Variants in AFDN observed in about 807,000 individuals in gnomAD.
AFDN encodes the protein afadin, adherens junction formation factor.
A neutral mutation model predicts 216.6 loss-of-function variants in AFDN; 68 were observed. The ratio of observed to expected loss-of-function variants is 0.31; its 90% CI spans 0.26 to 0.38. AFDN has a LOEUF of 0.38. AFDN is among the 10% of genes least tolerant of loss of function. The probability of loss-of-function intolerance (pLI) is 1.00; values close to 1 mark genes in which losing one functional copy is unlikely to be tolerated. For missense variants in AFDN, 2,136 were observed against 2,342.0 expected, an observed-to-expected ratio of 0.91 and a Z score of 1.82; for synonymous variants, 868 against 853.7, an observed-to-expected ratio of 1.02 and a Z score of -0.29.
At chr6:167,888,928 G>A (rs1048485352) in intron 6 of AFDN, among the ~76,000 whole-genome samples, 77 of 151,882 alleles carry the variant, frequency 5.1e-4, no homozygotes, top group African/African-American at 1.6e-3. Flanking sequence ...ACGTACTGCC[G>A]TACTGCCTTT....
intron 23 of AFDN, among the ~76,000 whole-genome samples, chr6:167,926,080 T>G (rs1429025263): frequency 6.6e-6 from 1 of 152,222 alleles, no homozygotes; most frequent in Admixed American, 6.5e-5. Context: ...GTCAAAAATT[T>G]TAGTTTATTT....
chr6:167,917,311 A>G, intron 20 of AFDN, 79 bp downstream of exon 20: 1 of 1,299,756 alleles, frequency 7.7e-7, no homozygotes, highest in Non-Finnish European at 1.0e-6. Flanking sequence ...ACAAAAGGAA[A>G]TCCTATTTAA....
intron 1 of AFDN, chr6:167,827,714 CT>C (rs1002382750): frequency 1.4e-4 from 21 of 152,204 alleles, no homozygotes; most frequent in African/African-American, 4.8e-4. Flanking sequence ...AACTTGCAGG[CT>C]GCCAGCTGGG....
intron 29 of AFDN, among the ~76,000 whole-genome samples, chr6:167,950,776 G>A (rs1213642328): frequency 1.3e-5 from 2 of 152,146 alleles, no homozygotes. Context: ...TGGGCACACA[G>A]GAGGGTGAGG....
chr6:167,929,923 C>A (rs966593832), intron 23 of AFDN, among the ~76,000 whole-genome samples: 1 of 152,162 alleles, frequency 6.6e-6, no homozygotes, highest in Non-Finnish European at 1.5e-5. Flanking sequence ...TTAACTTGGC[C>A]AGGCGCCATG....
chr6:167,898,218 GA>G lies in AFDN; in HGVS notation c.1333del (p.Ile445PhefsTer17). On this transcript the variant is annotated frameshift_variant, in exon 11 of 34. Transcript: ENST00000683244. LOFTEE classifies it high-confidence loss of function. ...DDNSIQLFGPGIQPHHCDLTN... is the reference protein window; with the variant it reads ...DDNSIQLFGPXIQPHHCDLTN... ...TTCGGTTTCCAGTTGTTTGGCCCAGGAATTCAGCCCCATCACTGTGACCTTA... is the reference window on the plus strand; with the variant it reads ...TTCGGTTTCCAGTTGTTTGGCCCAGGATTCAGCCCCATCACTGTGACCTTA... 1.2e-6 allele frequency: 2 copies of G among 1,613,718 alleles called. No individual in the cohort carries two copies. The highest frequency in any genetic ancestry group is 1.7e-6 in the Non-Finnish European group (2 of 1,179,710).
rs887282870 is a variant in AFDN, at chr6:167,861,137, T to G, written c.106-3414T>G. On this transcript the variant is annotated intron_variant, in intron 1 of 33. Coordinates refer to ENST00000683244, the MANE Select transcript of AFDN (RefSeq NM_001386888.1). ...TCCCTTCATACCCAGTTTTCAGGTT[T>G]AGGAACTTGATTTTATCCATTTGAC... 1.3e-5 allele frequency among the ~76,000 whole-genome samples: 2 copies of G among 152,132 alleles called. 1 individual carries two copies. The highest frequency in any genetic ancestry group is 4.2e-4 in the South Asian group (2 of 4,814).
intron 1 of AFDN, among the ~76,000 whole-genome samples, 196 bp downstream of exon 1, chr6:167,827,433 G>C (rs1779260358): frequency 7.0e-6 from 1 of 142,112 alleles, no homozygotes; most frequent in African/African-American, 2.5e-5. Context: ...CCCCTGCCGC[G>C]GTGTATCCCG....
At position 167,846,710 on chromosome 6, in the gene AFDN, G is replaced by GT. The variant is rs1331873264; in HGVS notation, c.106-17839dup. ...GTATAATATTTAAAAAAAAAACCAA[G>GT]TTGTTTTTTTTTTTTTTTTCAATGT... On this transcript the variant is annotated intron_variant, in intron 1 of 33. Coordinates refer to ENST00000683244, the MANE Select transcript of AFDN (RefSeq NM_001386888.1). 6.7e-3 allele frequency among the ~76,000 whole-genome samples: 879 copies of GT among 132,000 alleles called. 13 individuals carry two copies. Among genetic ancestry groups the GT allele is most frequent in the African/African-American group, 0.024 (832 of 35,076 alleles). 86.6% of individuals were successfully genotyped at this position (132,000 alleles called of 152,430 possible). A position where few individuals can be genotyped will look rare whatever the true frequency, so the allele number is the denominator to read the frequency against.
chr6:167,867,418 CT>C (rs975651161), intron 2 of AFDN, among the ~76,000 whole-genome samples: 2 of 148,416 alleles, frequency 1.3e-5, no homozygotes, highest in Admixed American at 6.7e-5. Context: ...CGGACTAATT[CT>C]TTTTTTTCTT....
chr6:167,949,790 G>A (rs901006823), intron 29 of AFDN, among the ~76,000 whole-genome samples: 1 of 152,158 alleles, frequency 6.6e-6, no homozygotes, highest in East Asian at 1.9e-4. Context: ...AGTATTTCCT[G>A]TTGTGTGGGG....
At chr6:167,927,249 G>A (rs2268945) in intron 23 of AFDN, among the ~76,000 whole-genome samples, 69,841 of 151,750 alleles carry the variant, frequency 0.46, 16,774 homozygotes, top group East Asian at 0.8. Flanking sequence ...CCTTGGAACA[G>A]ACATAATTGG....
At chr6:167,948,175 C>A (rs1174617029) in intron 28 of AFDN, 118 bp from the exon 29 acceptor site, 2 of 926,588 alleles carry the variant, frequency 2.2e-6, no homozygotes, top group South Asian at 1.9e-5. Flanking sequence ...GGATCAAACA[C>A]TTTTTAATGC....
chr6:167,925,095 G>T lies in AFDN; in HGVS notation c.3099+4G>T. On this transcript the variant is annotated splice_donor_region_variant and intron_variant, in intron 23 of 33. Transcript: ENST00000683244. ...CCTTAGCATTGTTGCAGCAAAGGTAGGCCAATTAGTCACGTGCGAGTTGTT... is the reference window on the plus strand; with the variant it reads ...CCTTAGCATTGTTGCAGCAAAGGTATGCCAATTAGTCACGTGCGAGTTGTT... 6.2e-7 allele frequency: 1 copy of T among 1,603,844 alleles called. No individual in the cohort carries two copies. Among genetic ancestry groups the T allele is most frequent in the Non-Finnish European group, 8.5e-7 (1 of 1,170,644 alleles).
At position 167,911,431 on chromosome 6, in the gene AFDN, C is replaced by T; in HGVS notation, c.1979C>T (p.Thr660Ile). The T allele has an allele frequency of 6.2e-7, 1 of 1,614,092 alleles. No homozygotes were observed. Among genetic ancestry groups the T allele is most frequent in the Non-Finnish European group, 8.5e-7 (1 of 1,180,016 alleles). Residue 660 changes from threonine to isoleucine, a missense_variant, in exon 15 of 34, where the codon ACA (threonine) becomes ATA (isoleucine). Thr to Ile is a moderately conservative substitution (Grantham distance 89, BLOSUM62 -1). This residue lies in a region of AFDN where 817 missense variants were observed against 965.7 expected (regional missense o/e 0.85). Transcript: ENST00000683244. ...CCTGACATCAGCCCTACAGAGCGCA[C>T]ACATAAAGTCATTGCAGTCGTCAAC... ...YRPDISPTER[T>I]HKVIAVVNKM... is the part of the protein sequence containing the mutation.
Position 167,962,715 on chromosome 6 carries a change from T to A in AFDN, c.4968+148T>A, listed in dbSNP as rs540250672. 2 of 1,528,220 alleles carry A rather than the reference T, an allele frequency of 1.3e-6. No homozygotes were observed. The highest frequency in any genetic ancestry group is 1.8e-6 in the Non-Finnish European group (2 of 1,139,618). 94.7% of individuals were successfully genotyped at this position (1,528,220 alleles called of 1,614,324 possible). ...GCTCCCCCAGCTTTGTGATTGGACCTGCAACTTTACCCCATCTGGCCCACC... is the reference window on the plus strand; with the variant it reads ...GCTCCCCCAGCTTTGTGATTGGACCAGCAACTTTACCCCATCTGGCCCACC... On this transcript the variant is annotated intron_variant, in intron 31 of 33. Coordinates refer to ENST00000683244, the MANE Select transcript of AFDN (RefSeq NM_001386888.1). The surrounding 1 kb of genome is among the most constrained non-coding windows in gnomAD (Gnocchi z 5.2).
chr6:167,872,503 G>C, intron 4 of AFDN, 126 bp downstream of exon 4: 2 of 1,041,616 alleles, frequency 1.9e-6, no homozygotes, highest in Non-Finnish European at 2.8e-6. Flanking sequence ...AATGTGTTTG[G>C]GTCTACTCCC....
At chr6:167,904,789 C>T (rs1789444059) in intron 12 of AFDN, among the ~76,000 whole-genome samples, 1 of 152,114 alleles carries the variant, frequency 6.6e-6, no homozygotes, top group Admixed American at 6.5e-5. Context: ...GCAGGAGGAC[C>T]ACACGGCCCC....
chr6:167,928,437 A>G (rs1210546904), intron 23 of AFDN, among the ~76,000 whole-genome samples: 2 of 152,252 alleles, frequency 1.3e-5, no homozygotes, highest in African/African-American at 2.4e-5. Flanking sequence ...AGGCTGAGGG[A>G]CAAGGTGCCA....
Sources: allele counts gnomAD v4.1 joint callset (sites outside exome capture counted in the v4.1 genomes callset), GRCh38; gene constraint gnomAD v4.1.1; regional missense constraint gnomAD v4.1.1; non-coding constraint Gnocchi (gnomAD v3.1); transcripts MANE v1.5; gene names NCBI Gene and HGNC (gene_info 2026-07-23, HGNC 2026-07-21).